Variants in GPLD1 observed in about 807,000 individuals in gnomAD.
GPLD1 encodes the protein glycosylphosphatidylinositol specific phospholipase D1, also known as phosphatidylinositol-glycan-specific phospholipase D.
GPLD1 carries 84 observed loss-of-function variants against 112.6 expected under a neutral mutation model. That is an observed-to-expected ratio of 0.75 (90% CI 0.63 to 0.89). The LOEUF is 0.89. Among genes scored for constraint, GPLD1 ranks in the 40% least tolerant of loss-of-function variants. The pLI is 0.00. For synonymous variants in GPLD1, 386 were observed against 403.8 expected, an observed-to-expected ratio of 0.96 and a Z score of 0.53; for missense variants, 1,044 against 1,051.5, an observed-to-expected ratio of 0.99 and a Z score of 0.10.
intron 12 of GPLD1, among the ~76,000 whole-genome samples, chr6:24,457,173 C>T (rs12203249): frequency 6.6e-6 from 1 of 152,096 alleles, no homozygotes; most frequent in Non-Finnish European, 1.5e-5. Context: ...GCCCAGGGGA[C>T]TAAAATTTTT....
intron 24 of GPLD1, among the ~76,000 whole-genome samples, chr6:24,429,833 C>T (rs1399823506): frequency 1.3e-5 from 2 of 152,206 alleles, no homozygotes; most frequent in Non-Finnish European, 2.9e-5. Flanking sequence ...CAGATGTGAG[C>T]CACCATGCCT....
chr6:24,434,115 C>T (rs760289586), intron 22 of GPLD1, among the ~76,000 whole-genome samples: 6 of 151,846 alleles, frequency 4.0e-5, no homozygotes, highest in Non-Finnish European at 7.4e-5. Flanking sequence ...AATCAAGTTA[C>T]GGCCAGGCAC....
At chr6:24,440,350 G>A (rs78329771) in intron 20 of GPLD1, among the ~76,000 whole-genome samples, 7 of 152,062 alleles carry the variant, frequency 4.6e-5, no homozygotes, top group Non-Finnish European at 5.9e-5. Flanking sequence ...GGCTTGAGGC[G>A]GCAGGATCGC....
At chr6:24,474,419 G>T (rs1052518814) in intron 5 of GPLD1, among the ~76,000 whole-genome samples, 3 of 152,100 alleles carry the variant, frequency 2.0e-5, no homozygotes, top group Non-Finnish European at 4.4e-5. Context: ...TTTTCATATA[G>T]AAAGTTAAAA....
At chr6:24,487,431 C>T (rs909293159) in intron 1 of GPLD1, among the ~76,000 whole-genome samples, 1 of 152,148 alleles carries the variant, frequency 6.6e-6, no homozygotes, top group Admixed American at 6.6e-5. Flanking sequence ...AAATATTATT[C>T]TTTAAATGTC....
At chr6:24,442,865 C>G (rs537250651) in intron 20 of GPLD1, among the ~76,000 whole-genome samples, 1 of 152,132 alleles carries the variant, frequency 6.6e-6, no homozygotes, top group South Asian at 2.1e-4. Context: ...ACAGGCATGA[C>G]CCACCATGCC....
At chr6:24,475,069 G>A in intron 5 of GPLD1, 52 bp downstream of exon 5, 1 of 902,486 alleles carries the variant, frequency 1.1e-6, no homozygotes. Flanking sequence ...TTGATCTTAG[G>A]TGAGACAGTA....
rs553462688 is a variant in GPLD1, at chr6:24,445,425, A to G, written c.2020+121T>C. The G allele has an allele frequency of 6.0e-6, 4 of 666,772 alleles. No individual in the cohort carries two copies. The South Asian group carries it at 7.5e-5, about 13-fold the overall frequency. The allele number at this position is 666,772 out of a possible 1,614,324, so 41.3% of individuals were successfully genotyped here. ...AAGTTACACAGAATGTTATTAATGA[A>G]AAAAGGAAATATTGAAACCTAGATC... On this transcript the variant is annotated intron_variant, in intron 20 of 24. Transcript: ENST00000230036.
intron 22 of GPLD1, among the ~76,000 whole-genome samples, chr6:24,434,352 C>T (rs1762502632): frequency 6.6e-6 from 1 of 151,254 alleles, no homozygotes; most frequent in African/African-American, 2.4e-5. Flanking sequence ...GAGCCGAGAT[C>T]ATGCCACTGC....
intron 22 of GPLD1, 182 bp from the exon 23 acceptor site, chr6:24,433,571 C>T (rs1193846786): frequency 1.9e-5 from 10 of 514,214 alleles, no homozygotes; most frequent in African/African-American, 6.0e-5. Flanking sequence ...CAGCTCACTG[C>T]AACCTCTGCC....
intron 10 of GPLD1, among the ~76,000 whole-genome samples, 172 bp downstream of exon 10, chr6:24,466,508 T>C (rs1013459129): frequency 3.3e-5 from 5 of 152,226 alleles, no homozygotes; most frequent in African/African-American, 1.2e-4. Context: ...CAGTCAAGTT[T>C]ATAAGATCAC....
rs1388011533 is a variant in GPLD1, at chr6:24,486,170, T to C, written c.98-40A>G. ...TACATAAATCAATTAAGTTCAACTA[T>C]TACTGAAAACATAACTTAGGCGAGA... On this transcript the variant is annotated intron_variant, in intron 1 of 24. Transcript: ENST00000230036. The C allele has an allele frequency of 1.3e-5, 15 of 1,172,730 alleles. No individual in the cohort carries two copies. The Admixed American group carries it at 2.9e-4, about 22-fold the overall frequency. The allele number at this position is 1,172,730 out of a possible 1,614,324, so 72.6% of individuals were successfully genotyped here.
intron 4 of GPLD1, 34 bp from the exon 5 acceptor site, chr6:24,475,265 T>G (rs778641713): frequency 9.4e-7 from 1 of 1,064,970 alleles, no homozygotes; most frequent in Admixed American, 1.7e-5. Context: ...CATGTGTGTT[T>G]GGGTGATTTT....
chr6:24,485,931 A>G (rs747502334), intron 2 of GPLD1, 144 bp downstream of exon 2: 178 of 547,272 alleles, frequency 3.3e-4, no homozygotes, highest in Middle Eastern at 1.5e-3. Flanking sequence ...AGCCTCCCAA[A>G]GTGCTGGGAT....
At chr6:24,455,952 A>C (rs1163821192) in intron 13 of GPLD1, among the ~76,000 whole-genome samples, 1 of 152,172 alleles carries the variant, frequency 6.6e-6, no homozygotes, top group Non-Finnish European at 1.5e-5. Context: ...AGGCAGGTGG[A>C]TCGCTTGAGC....
At chr6:24,441,258 G>A (rs1405138392) in intron 20 of GPLD1, among the ~76,000 whole-genome samples, 1 of 149,746 alleles carries the variant, frequency 6.7e-6, no homozygotes, top group Admixed American at 6.7e-5. Flanking sequence ...GTGAGCTTGA[G>A]ATCACACCAC....
In GPLD1 at chr6:24,446,843, G is replaced by T. The variant is rs188333348; in HGVS notation, c.1815C>A (p.Ala605=). ...LLVGSPTWKN[A]SRLGHLLHIR... is the part of the protein sequence containing the mutation. ...GCCCCCAGCATCAGCCTCACCTGCTGGCATTCTTCCAGGTCGGGCTCCCAA... is the reference window on the plus strand; with the variant it reads ...GCCCCCAGCATCAGCCTCACCTGCTTGCATTCTTCCAGGTCGGGCTCCCAA... Residue 605 remains alanine (A), a synonymous_variant, in exon 18 of 25, where the codon GCC becomes GCA. Transcript: ENST00000230036. The T allele has an allele frequency of 1.2e-5, 19 of 1,613,400 alleles. No homozygotes were observed. The highest frequency in any genetic ancestry group is 1.4e-5 in the Non-Finnish European group (17 of 1,179,668).
chr6:24,484,089 G>T (rs987172821), intron 2 of GPLD1, among the ~76,000 whole-genome samples: 1 of 151,632 alleles, frequency 6.6e-6, no homozygotes, highest in African/African-American at 2.4e-5. Flanking sequence ...CTAATTTTTT[G>T]TATTTTTAGT....
intron 24 of GPLD1, among the ~76,000 whole-genome samples, chr6:24,430,994 A>G (rs901729559): frequency 6.6e-6 from 1 of 152,254 alleles, no homozygotes; most frequent in East Asian, 1.9e-4. Context: ...ATAGTTTTAT[A>G]TAATACATGG....
Sources: allele counts gnomAD v4.1 joint callset (sites outside exome capture counted in the v4.1 genomes callset), GRCh38; gene constraint gnomAD v4.1.1; transcripts MANE v1.5; gene names NCBI Gene and HGNC (gene_info 2026-07-23, HGNC 2026-07-21).